The following FNIP2 variants were observed in gnomAD, a reference collection of about 807,000 sequenced individuals.
The protein encoded by FNIP2 is folliculin interacting protein 2, also known as folliculin-interacting protein 2.
FNIP2 carries 32 observed loss-of-function variants against 108.7 expected under a neutral mutation model. The observed-to-expected ratio is 0.29, with a 90% confidence interval of 0.22 to 0.40. The LOEUF (loss-of-function observed/expected upper bound fraction) is 0.40, where lower values mean the gene tolerates loss of function less well. Ranked by LOEUF, FNIP2 falls within the 10% of genes least tolerant of loss-of-function variation. The probability of loss-of-function intolerance (pLI) is 1.00; values close to 1 mark genes in which losing one functional copy is unlikely to be tolerated. For synonymous variants in FNIP2, 480 were observed against 496.7 expected, an observed-to-expected ratio of 0.97 and a Z score of 0.45; for missense variants, 1,202 against 1,381.6, an observed-to-expected ratio of 0.87 and a Z score of 2.06.
intron 12 of FNIP2, among the ~76,000 whole-genome samples, chr4:158,865,963 C>T (rs140415844): frequency 1.5e-3 from 229 of 151,930 alleles, no homozygotes; most frequent in African/African-American, 4.2e-3. Flanking sequence ...CAAGGGAATA[C>T]TCGCAGAAGG....
Position 158,861,751 on chromosome 4 carries a change from G to C in FNIP2, c.1440G>C (p.Pro480=). The C allele has an allele frequency of 1.2e-6, 2 of 1,613,996 alleles. No individual in the cohort carries two copies. The highest frequency in any genetic ancestry group is 1.7e-6 in the Non-Finnish European group (2 of 1,179,896). The change falls in exon 12 of 17, where the codon CCG becomes CCC. Residue 480 remains proline, a synonymous_variant. Coordinates refer to ENST00000264433, the MANE Select transcript of FNIP2 (RefSeq NM_020840.3). The stretch of plus-strand genomic sequence containing the variant: ...TGAACATGCTGGCCAAAACACATCC[G>C]TATAATCCTCTTTGGGCACAGCTGG... ...QSVNMLAKTH[P]YNPLWAQLGD... is the part of the protein sequence containing the mutation.
rs1390704315 is a variant in FNIP2, at chr4:158,834,325, T to TCTCTCTCTCTCTCTCTCC, written c.655+702_655+703insTCTCTCTCTCTCCCTCTC. The stretch of plus-strand genomic sequence containing the variant: ...CTCTCTCTCTCTCTCTCTCTCTCTC[T>TCTCTCTCTCTCTCTCTCC]CTCTCCCTCTCTAAGTAGTGTAAAT... On this transcript the variant is annotated intron_variant, in intron 6 of 16. Transcript: ENST00000264433. The TCTCTCTCTCTCTCTCTCC allele has an allele frequency of 8.1e-4, 122 of 149,860 alleles. 1 individual carries two copies. Among genetic ancestry groups the TCTCTCTCTCTCTCTCTCC allele is most frequent in the African/African-American group, 2.9e-3 (113 of 39,496 alleles). 9.3% of individuals were successfully genotyped at this position (149,860 alleles called of 1,614,324 possible).
chr4:158,870,810 C>T (rs1209222351), intron 14 of FNIP2, among the ~76,000 whole-genome samples: 1 of 152,260 alleles, frequency 6.6e-6, no homozygotes, highest in East Asian at 1.9e-4. Context: ...TTTCTGGTGC[C>T]TCTCATTGGC....
At chr4:158,777,159 A>G (rs950949413) in intron 1 of FNIP2, among the ~76,000 whole-genome samples, 6 of 152,216 alleles carry the variant, frequency 3.9e-5, no homozygotes, top group Admixed American at 1.3e-4. Context: ...TTATGAAGCT[A>G]TGAAATTGTT....
chr4:158,851,053 C>T (rs1418343677), intron 7 of FNIP2, among the ~76,000 whole-genome samples: 6 of 152,068 alleles, frequency 3.9e-5, no homozygotes. Context: ...TTTTAGATTA[C>T]TTGGCATAGA....
At chr4:158,837,500 T>A (rs1778875271) in intron 7 of FNIP2, among the ~76,000 whole-genome samples, 1 of 152,238 alleles carries the variant, frequency 6.6e-6, no homozygotes, top group Non-Finnish European at 1.5e-5. Flanking sequence ...CAGTTTATAA[T>A]ATAGTTCATA....
intron 1 of FNIP2, chr4:158,806,247 G>T: frequency 3.1e-6 from 4 of 1,289,378 alleles, no homozygotes; most frequent in Non-Finnish European, 4.0e-6. Context: ...CCGTTCAGGA[G>T]ATGTGCGGCG....
chr4:158,805,053 T>C (rs1776894729), intron 1 of FNIP2, among the ~76,000 whole-genome samples: 1 of 152,182 alleles, frequency 6.6e-6, no homozygotes, highest in Admixed American at 6.5e-5. Context: ...TGCCATGACA[T>C]TAGTTTTTCT....
rs375052730 is a variant in FNIP2, at chr4:158,784,792, T to C, written c.107+15473T>C. Among the ~76,000 whole-genome samples, 4 of 152,236 alleles carry C rather than the reference T, an allele frequency of 2.6e-5. No homozygotes were observed. In the East Asian group the frequency reaches 5.8e-4, roughly 22 times the overall value. ...ATCTCCTGCTTTGTGGCCCGGTTCCTAACAGGCCATGGTCTGGTACCAGTC... is the reference window on the plus strand; with the variant it reads ...ATCTCCTGCTTTGTGGCCCGGTTCCCAACAGGCCATGGTCTGGTACCAGTC... On this transcript the variant is annotated intron_variant, in intron 1 of 16. Coordinates refer to ENST00000264433, the MANE Select transcript of FNIP2 (RefSeq NM_020840.3).
chr4:158,836,045 G>A (rs1778777907), intron 7 of FNIP2: 1 of 152,426 alleles, frequency 6.6e-6, no homozygotes, highest in Non-Finnish European at 1.5e-5. Flanking sequence ...ATAAGAGAAG[G>A]GTGGTGAATG....
intron 16 of FNIP2, among the ~76,000 whole-genome samples, chr4:158,902,287 CCT>C (rs1210051844): frequency 6.6e-6 from 1 of 152,078 alleles, no homozygotes; most frequent in Non-Finnish European, 1.5e-5. Context: ...CACTACAGAC[CCT>C]GTTTGCCTGG....
At chr4:158,893,808 T>G (rs1001051936) in intron 15 of FNIP2, 14 of 814,634 alleles carry the variant, frequency 1.7e-5, no homozygotes, top group Non-Finnish European at 2.8e-5. Context: ...ACATACGTCT[T>G]GTCACAGTTG....
At chr4:158,833,291 G>A (rs995375182) in intron 5 of FNIP2, among the ~76,000 whole-genome samples, 7 of 152,168 alleles carry the variant, frequency 4.6e-5, no homozygotes, top group African/African-American at 1.7e-4. Flanking sequence ...TAGAAGTACA[G>A]TTGTTTAGTT....
At chr4:158,884,808 A>G (rs1399934182) in intron 14 of FNIP2, among the ~76,000 whole-genome samples, 1 of 152,062 alleles carries the variant, frequency 6.6e-6, no homozygotes, top group African/African-American at 2.4e-5. Flanking sequence ...GCAACAGGAG[A>G]GAGAGCAAGC....
At chr4:158,892,547 A>C (rs938099819) in intron 15 of FNIP2, among the ~76,000 whole-genome samples, 2 of 152,202 alleles carry the variant, frequency 1.3e-5, no homozygotes, top group Admixed American at 6.5e-5. Context: ...GAGAAATTGA[A>C]AGAAAGAGAA....
chr4:158,848,348 C>T (rs1276726441), intron 7 of FNIP2, among the ~76,000 whole-genome samples: 2 of 152,186 alleles, frequency 1.3e-5, no homozygotes, highest in Admixed American at 1.3e-4. Flanking sequence ...GAGTCTTTGC[C>T]TGGTAATCCA....
Position 158,825,910 on chromosome 4 carries a change from C to T in FNIP2, c.108-6C>T. 6.2e-7 allele frequency: 1 copy of T among 1,603,930 alleles called. No individual in the cohort carries two copies. The highest frequency in any genetic ancestry group is 2.2e-5 in the East Asian group (1 of 44,624). On this transcript the variant is annotated splice_polypyrimidine_tract_variant and splice_region_variant and intron_variant, in intron 1 of 16. Transcript: ENST00000264433. ...CATAACTTCTTTTGCCCTTTTTAATCCACAGTTGGTCATGTTCGGAGTTTG... is the reference window on the plus strand; with the variant it reads ...CATAACTTCTTTTGCCCTTTTTAATTCACAGTTGGTCATGTTCGGAGTTTG...
At chr4:158,826,210 C>T (rs907663879) in intron 2 of FNIP2, among the ~76,000 whole-genome samples, 168 bp downstream of exon 2, 1 of 152,188 alleles carries the variant, frequency 6.6e-6, no homozygotes. Context: ...AGCCCTACCC[C>T]CAACAGGCAT....
At chr4:158,834,518 C>T (rs986142662) in intron 6 of FNIP2, 2 of 152,064 alleles carry the variant, frequency 1.3e-5, no homozygotes, top group African/African-American at 4.8e-5. Flanking sequence ...ATGCTAAGCA[C>T]CATAGTTAAC....
Sources: gnomAD v4.1 joint callset for allele counts (sites outside exome capture counted in the v4.1 genomes callset) on GRCh38, gnomAD v4.1.1 for gene constraint, MANE v1.5 for transcripts, NCBI Gene and HGNC (gene_info 2026-07-23, HGNC 2026-07-21) for gene names.